The following EHD1 variants were observed in gnomAD, a reference collection of about 807,000 sequenced individuals.
The protein encoded by EHD1 is EH domain-containing protein 1.
Under a neutral mutation model 39.0 loss-of-function variants are expected in EHD1, and 19 were observed. The observed-to-expected ratio is 0.49, with a 90% CI of 0.34 to 0.72. EHD1 has a LOEUF of 0.72. EHD1 is among the 30% of genes least tolerant of loss of function. The probability of loss-of-function intolerance (pLI) is 0.01; values close to 1 mark genes in which losing one functional copy is unlikely to be tolerated. For synonymous variants in EHD1, 323 were observed against 331.2 expected, an observed-to-expected ratio of 0.98 and a Z score of 0.27; for missense variants, 542 against 751.5, an observed-to-expected ratio of 0.72 and a Z score of 3.26.
chr11:64,873,088 C>T (rs1019283310), intron 2 of EHD1, among the ~76,000 whole-genome samples: 2 of 152,208 alleles, frequency 1.3e-5, no homozygotes, highest in Non-Finnish European at 2.9e-5. Flanking sequence ...GGCCCCAAAG[C>T]GCCCCACCCG....
intron 2 of EHD1, among the ~76,000 whole-genome samples, chr11:64,870,933 C>T (rs942764541): frequency 6.6e-5 from 10 of 152,316 alleles, no homozygotes; most frequent in East Asian, 1.9e-4. Context: ...GACCCCAACC[C>T]GGCCCCCTTC....
chr11:64,878,667 G>C, upstream of EHD1: 2 of 1,364,818 alleles, frequency 1.5e-6, no homozygotes, highest in Non-Finnish European at 1.9e-6. Flanking sequence ...CGGTCCCTCA[G>C]TGGCGGCTAG....
chr11:64,871,749 T>G (rs556417180), intron 2 of EHD1, among the ~76,000 whole-genome samples: 4 of 152,222 alleles, frequency 2.6e-5, no homozygotes, highest in African/African-American at 7.2e-5. Context: ...CTCTCAGGGA[T>G]GCAGAGGGGC....
intron 1 of EHD1, among the ~76,000 whole-genome samples, chr11:64,876,609 G>A (rs982357601): frequency 1.3e-5 from 2 of 152,214 alleles, no homozygotes; most frequent in African/African-American, 4.8e-5. Context: ...TGACCTAATG[G>A]GTGACTTCCA....
At chr11:64,860,957 T>A (rs1592747406) in intron 2 of EHD1, among the ~76,000 whole-genome samples, 1 of 150,298 alleles carries the variant, frequency 6.7e-6, no homozygotes, top group Admixed American at 6.6e-5. Flanking sequence ...GCGGCAGAGG[T>A]TGCAGTGAGC....
intron 2 of EHD1, among the ~76,000 whole-genome samples, chr11:64,867,929 C>A (rs1488382360): frequency 6.6e-6 from 1 of 152,216 alleles, no homozygotes; most frequent in Non-Finnish European, 1.5e-5. Context: ...GCGTCCCACC[C>A]AGCCTCCTCC....
chr11:64,852,177 CT>C lies in EHD1; in HGVS notation c.*2155del, dbSNP rs760290765. 3.3e-5 allele frequency: 5 copies of C among 152,392 alleles called. No individual in the cohort carries two copies. The East Asian group carries it at 9.6e-4, about 29-fold the overall frequency. 9.4% of individuals were successfully genotyped at this position (152,392 alleles called of 1,614,324 possible). On this transcript the variant is annotated 3_prime_UTR_variant, in exon 5 of 5. Coordinates refer to ENST00000320631, the MANE Select transcript of EHD1 (RefSeq NM_006795.4). ...TATGAAGGGTCACTAATCAGTCACC[CT>C]TCCCTCTGCTGGTATAAACAGTCCC...
At chr11:64,861,623 A>G (rs1943717669) in intron 2 of EHD1, among the ~76,000 whole-genome samples, 1 of 151,972 alleles carries the variant, frequency 6.6e-6, no homozygotes, top group Non-Finnish European at 1.5e-5. Flanking sequence ...TGTTTGTATA[A>G]ATAAAGTTTT....
intron 2 of EHD1, among the ~76,000 whole-genome samples, chr11:64,870,873 G>C (rs1006942848): frequency 6.6e-6 from 1 of 152,170 alleles, no homozygotes; most frequent in Non-Finnish European, 1.5e-5. Context: ...ACAGGAGAAC[G>C]GTATCTTTAA....
At chr11:64,860,369 C>T (rs761134372) in intron 2 of EHD1, 33 bp from the exon 3 acceptor site, 2 of 1,587,802 alleles carry the variant, frequency 1.3e-6, no homozygotes, top group Non-Finnish European at 1.7e-6. Context: ...CTCAGGGGCG[C>T]CAAGGGACCT....
At chr11:64,871,351 G>A (rs1287875113) in intron 2 of EHD1, among the ~76,000 whole-genome samples, 2 of 152,134 alleles carry the variant, frequency 1.3e-5, no homozygotes, top group African/African-American at 2.4e-5. Context: ...GACCTCCTCC[G>A]CTGGACAGGC....
intron 1 of EHD1, 116 bp from the exon 2 acceptor site, chr11:64,874,634 G>A (rs951746143): frequency 1.6e-5 from 13 of 815,740 alleles, no homozygotes; most frequent in African/African-American, 7.2e-5. Flanking sequence ...CTCCAGCAGC[G>A]GGGAACTGAC....
rs931856648 is a variant in EHD1 at position 64,868,720 on chromosome 11, G to A, written c.502+5701C>T. ...TGGGAATACTCTCTGTCATGGTGGC[G>A]GCAGCCCAGGAATGCTTTGTACAGC... On this transcript the variant is annotated intron_variant, in intron 2 of 4. Transcript: ENST00000320631. The surrounding 1 kb of genome is among the most constrained non-coding windows in gnomAD (Gnocchi z 4.2). 2.0e-5 allele frequency among the ~76,000 whole-genome samples: 3 copies of A among 152,198 alleles called. No homozygotes were observed. Among genetic ancestry groups the A allele is most frequent in the African/African-American group, 4.8e-5 (2 of 41,450 alleles).
rs909005684 is a variant in EHD1, at chr11:64,865,429, A to G, written c.503-5093T>C. Among the ~76,000 whole-genome samples the G allele has an allele frequency of 2.6e-5, 4 of 152,250 alleles. No homozygotes were observed. The South Asian group carries it at 8.3e-4, about 31-fold the overall frequency. On this transcript the variant is annotated intron_variant, in intron 2 of 4. Coordinates refer to ENST00000320631, the MANE Select transcript of EHD1 (RefSeq NM_006795.4). ...CACCCCCGGCACTGCCCAAGGCAAC[A>G]AGACTTCAGGCTTTGGCACCCACCA...
At chr11:64,862,648 A>G (rs900174601) in intron 2 of EHD1, among the ~76,000 whole-genome samples, 7 of 152,214 alleles carry the variant, frequency 4.6e-5, no homozygotes, top group African/African-American at 1.7e-4. Flanking sequence ...CCTCTTCAAC[A>G]GCAGTTTTGA....
chr11:64,863,696 C>T (rs949599846), intron 2 of EHD1, among the ~76,000 whole-genome samples: 2 of 152,218 alleles, frequency 1.3e-5, no homozygotes, highest in Admixed American at 6.5e-5. Flanking sequence ...GCCACAGGGG[C>T]GCGGAGCCCC....
In EHD1 at chr11:64,874,487, G is replaced by A. The variant is rs139892854; in HGVS notation, c.436C>T (p.Leu146=). 5.6e-5 allele frequency: 91 copies of A among 1,610,790 alleles called. No homozygotes were observed. Among genetic ancestry groups the A allele is most frequent in the Non-Finnish European group, 7.4e-5 (87 of 1,178,834 alleles). ...FMCAQLPNPV[L]DSISIIDTPG... ...GTGTCGATGATGCTGATGCTGTCCAGGACGGGGTTGGGCAGCTGGGCACAC... is the reference window on the plus strand; with the variant it reads ...GTGTCGATGATGCTGATGCTGTCCAAGACGGGGTTGGGCAGCTGGGCACAC... Residue 146 remains leucine (L), a synonymous_variant, in exon 2 of 5, where the codon CTG becomes TTG. Coordinates refer to ENST00000320631, the MANE Select transcript of EHD1 (RefSeq NM_006795.4).
chr11:64,860,212 G>T lies in EHD1; in HGVS notation c.627C>A (p.Asn209Lys), dbSNP rs2136481140. 1 of 1,614,162 alleles carries T rather than the reference G, an allele frequency of 6.2e-7. No individual in the cohort carries two copies. Among genetic ancestry groups the T allele is most frequent in the African/African-American group, 1.3e-5 (1 of 75,048 alleles). ...GCACCACGCGGATCTTGTCCTCATGGTTCTTCAGAGCCTTGATCACTTCCG... is the reference window on the plus strand; with the variant it reads ...GCACCACGCGGATCTTGTCCTCATGTTTCTTCAGAGCCTTGATCACTTCCG... ...EFSEVIKALK[N>K]HEDKIRVVLN... The change falls in exon 3 of 5, where the codon AAC (asparagine) becomes AAA (lysine). Residue 209 changes from asparagine to lysine, a missense_variant. Asn to Lys is a moderately conservative substitution (Grantham distance 94, BLOSUM62 0). Transcript: ENST00000320631.
chr11:64,857,385 C>G (rs1276112283), intron 3 of EHD1, among the ~76,000 whole-genome samples: 5 of 152,116 alleles, frequency 3.3e-5, no homozygotes, highest in African/African-American at 1.2e-4. Context: ...GATTGCGCCA[C>G]TGCACTCCAG....
Sources: allele counts gnomAD v4.1 joint callset (sites outside exome capture counted in the v4.1 genomes callset), GRCh38; gene constraint gnomAD v4.1.1; non-coding constraint Gnocchi (gnomAD v3.1); transcripts MANE v1.5; gene names NCBI Gene and HGNC (gene_info 2026-07-23, HGNC 2026-07-21).